MINK1: variants seen among roughly 807,000 people sequenced by gnomAD.
MINK1 encodes misshapen-like kinase 1.
Under a neutral mutation model 178.4 loss-of-function variants are expected in MINK1, and 46 were observed. The ratio of observed to expected loss-of-function variants is 0.26; its 90% CI spans 0.20 to 0.33. The LOEUF (loss-of-function observed/expected upper bound fraction) is 0.33, where lower values mean the gene tolerates loss of function less well. MINK1 is among the 10% of genes least tolerant of loss of function. The probability of loss-of-function intolerance (pLI) is 1.00; values close to 1 mark genes in which losing one functional copy is unlikely to be tolerated. For missense variants in MINK1, 1,366 were observed against 1,814.9 expected, an observed-to-expected ratio of 0.75 and a Z score of 4.49; for synonymous variants, 797 against 709.7, an observed-to-expected ratio of 1.12 and a Z score of -1.96.
chr17:4,844,595 G>T, intron 1 of MINK1: 1 of 510,498 alleles, frequency 2.0e-6, no homozygotes. Context: ...AACAGGTGGT[G>T]GGTTGGCACT....
rs1909263760 is a variant in MINK1, at chr17:4,836,061, C to A, written c.57+2421C>A. Among the ~76,000 whole-genome samples, 1 of 152,182 alleles carries A rather than the reference C, an allele frequency of 6.6e-6. No individual in the cohort carries two copies. Among genetic ancestry groups the A allele is most frequent in the Non-Finnish European group, 1.5e-5 (1 of 68,034 alleles). On this transcript the variant is annotated intron_variant, in intron 1 of 31. Coordinates refer to ENST00000355280, the MANE Select transcript of MINK1 (RefSeq NM_153827.5). This position sits in a 1 kb window ranked among gnomAD's most constrained non-coding sequence, Gnocchi z 4.3. ...CTGCAGACCTTTTCTCAGTGCCTGT[C>A]CCCCTGACTCCACCTCAGAGAGCTG... is the stretch of plus-strand genomic sequence containing the variant.
rs752842873 is a variant in MINK1 at position 4,897,223 on chromosome 17, G to A, written c.3935G>A (p.Arg1312His). ...RNDKVFFASV[R>H]SGGSSQVYFM... Reference sequence around the variant, plus strand: ...ACCCAGGTGTTTTTTGCCTCAGTCCGCTCTGGGGGCAGCAGCCAAGTTTAC... The same window carrying A: ...ACCCAGGTGTTTTTTGCCTCAGTCCACTCTGGGGGCAGCAGCCAAGTTTAC... Residue 1312 changes from arginine to histidine, a missense_variant, in exon 32 of 32, where the codon CGC becomes CAC. Around this residue, in one of 14 missense-constraint regions of MINK1, gnomAD observed 201 missense variants for 240.7 expected, o/e 0.84. Transcript: ENST00000355280. 1.1e-5 allele frequency: 17 copies of A among 1,613,554 alleles called. No individual in the cohort carries two copies. Among genetic ancestry groups the A allele is most frequent in the South Asian group, 4.4e-5 (4 of 91,042 alleles).
At chr17:4,850,920 C>T (rs1911844388) in intron 1 of MINK1, 1 of 420,564 alleles carries the variant, frequency 2.4e-6, no homozygotes, top group South Asian at 1.7e-5. Context: ...TTTCTGCCCC[C>T]TCCCACTGCC....
intron 1 of MINK1, among the ~76,000 whole-genome samples, chr17:4,851,530 T>C (rs1415397156): frequency 6.6e-6 from 1 of 152,166 alleles, no homozygotes; most frequent in Non-Finnish European, 1.5e-5. Context: ...TTGGCCCTTC[T>C]CACCCAGCCC....
Position 4,892,420 on chromosome 17 carries a change from C to T in MINK1, c.2106C>T (p.Ala702=), listed in dbSNP as rs748484595. ...AVRARPRSNS[A]WQIYLQRRAE... Reference sequence around the variant, plus strand: ...TTCACAGACCTCGCAGCAACTCCGCCTGGCAAATCTATCTGCAAAGGCGGG... The same window carrying T: ...TTCACAGACCTCGCAGCAACTCCGCTTGGCAAATCTATCTGCAAAGGCGGG... Residue 702 remains alanine (A), a synonymous_variant, in exon 18 of 32, where the codon GCC becomes GCT. Transcript: ENST00000355280. 5 of 1,560,932 alleles carry T rather than the reference C, an allele frequency of 3.2e-6. No individual in the cohort carries two copies. The South Asian group carries it at 5.9e-5, about 18-fold the overall frequency.
chr17:4,891,407 G>A, intron 15 of MINK1, 49 bp from the exon 16 acceptor site: 1 of 1,513,740 alleles, frequency 6.6e-7, no homozygotes, highest in Non-Finnish European at 8.8e-7. Context: ...TCGCAGGTGG[G>A]GATGTGCCAT....
intron 1 of MINK1, among the ~76,000 whole-genome samples, chr17:4,849,540 GCTAACTCTTGC>G (rs371554359): frequency 0.014 from 2,134 of 152,174 alleles, 24 homozygotes; most frequent in Middle Eastern, 0.024. Flanking sequence ...TCCTCCCTTG[GCTAACTCTTGC>G]CTGTCCCTGT....
intron 1 of MINK1, chr17:4,847,025 A>G (rs115614029): frequency 2.7e-4 from 99 of 371,348 alleles, no homozygotes; most frequent in African/African-American, 1.8e-3. Flanking sequence ...TTCACAAGTT[A>G]ACAATGAACA....
chr17:4,864,570 C>G (rs1263486101), intron 1 of MINK1, among the ~76,000 whole-genome samples: 1 of 144,932 alleles, frequency 6.9e-6, no homozygotes, highest in Non-Finnish European at 1.5e-5. Context: ...ACTAAAAATA[C>G]AAAAATTAGC....
At chr17:4,859,479 T>C (rs1913767502) in intron 1 of MINK1, among the ~76,000 whole-genome samples, 1 of 152,152 alleles carries the variant, frequency 6.6e-6, no homozygotes, top group African/African-American at 2.4e-5. Flanking sequence ...CCAGGGGCAC[T>C]TATAAACCAG....
chr17:4,850,781 T>C (rs1287658047), intron 1 of MINK1, among the ~76,000 whole-genome samples: 4 of 152,326 alleles, frequency 2.6e-5, no homozygotes, highest in East Asian at 3.9e-4. Context: ...CAATAAGATA[T>C]AATGATCTGT....
intron 1 of MINK1, chr17:4,859,358 T>C: frequency 1.1e-6 from 1 of 940,216 alleles, no homozygotes; most frequent in Non-Finnish European, 1.3e-6. Flanking sequence ...ACCTACCTGC[T>C]TCCCCTGCAG....
rs71367860 is a variant in MINK1, at chr17:4,873,617, C to CTTTTTTTTTTTTTTTTTTTTT, written c.58-4681_58-4680insTTTTTTTTTTTTTTTTTTTTT. On this transcript the variant is annotated intron_variant, in intron 1 of 31. Transcript: ENST00000355280. ...GGTCTTCGCCACTCTTTTTTCTTTT[C>CTTTTTTTTTTTTTTTTTTTTT]TTTTTTTTTTTTTTTTTTTGAGAAG... Among the ~76,000 whole-genome samples the CTTTTTTTTTTTTTTTTTTTTT allele has an allele frequency of 3.7e-5, 4 of 108,086 alleles. 1 individual carries two copies. Among genetic ancestry groups the CTTTTTTTTTTTTTTTTTTTTT allele is most frequent in the Non-Finnish European group, 3.8e-5 (2 of 52,224 alleles). 70.9% of individuals were successfully genotyped at this position (108,086 alleles called of 152,430 possible). A position where few individuals can be genotyped will look rare whatever the true frequency, so the allele number is the denominator to read the frequency against.
chr17:4,892,295 G>T (rs930722978), intron 17 of MINK1, 61 bp downstream of exon 17: 3 of 1,509,908 alleles, frequency 2.0e-6, no homozygotes, highest in South Asian at 2.4e-5. Flanking sequence ...GAGTAGGGGG[G>T]GCACAGGGAC....
At chr17:4,834,213 C>G (rs1296951573) in intron 1 of MINK1, among the ~76,000 whole-genome samples, 2 of 152,182 alleles carry the variant, frequency 1.3e-5, no homozygotes, top group African/African-American at 4.8e-5. Flanking sequence ...TTTCCCTATC[C>G]CTTCTCTCCT....
intron 1 of MINK1, among the ~76,000 whole-genome samples, chr17:4,835,461 T>C (rs1210874625): frequency 6.6e-6 from 1 of 152,102 alleles, no homozygotes; most frequent in African/African-American, 2.4e-5. Context: ...ACCCCATCCT[T>C]ACTAAAAATA....
rs71367860 is a variant in MINK1, at chr17:4,873,617, C to CTTTTTT, written c.58-4686_58-4681dup. ...GGTCTTCGCCACTCTTTTTTCTTTT[C>CTTTTTT]TTTTTTTTTTTTTTTTTTTGAGAAG... On this transcript the variant is annotated intron_variant, in intron 1 of 31. Coordinates refer to ENST00000355280, the MANE Select transcript of MINK1 (RefSeq NM_153827.5). Among the ~76,000 whole-genome samples the CTTTTTT allele has an allele frequency of 1.4e-4, 15 of 108,066 alleles. 4 individuals are homozygous for CTTTTTT. Among genetic ancestry groups the CTTTTTT allele is most frequent in the East Asian group, 2.4e-4 (1 of 4,210 alleles). 70.9% of individuals were successfully genotyped at this position (108,066 alleles called of 152,430 possible). A position where few individuals can be genotyped will look rare whatever the true frequency, so the allele number is the denominator to read the frequency against.
intron 1 of MINK1, among the ~76,000 whole-genome samples, chr17:4,877,283 C>T (rs1316829038): frequency 6.6e-6 from 1 of 152,168 alleles, no homozygotes; most frequent in African/African-American, 2.4e-5. Flanking sequence ...TGCTCTTGGC[C>T]CAGGGGGAGG....
In MINK1 at chr17:4,894,015, C is replaced by T. The variant is rs1478587826; in HGVS notation, c.2592C>T (p.Ser864=). 11 of 1,590,700 alleles carry T rather than the reference C, an allele frequency of 6.9e-6. No individual in the cohort carries two copies. The highest frequency in any genetic ancestry group is 4.5e-5 in the East Asian group (2 of 44,396). ...GRSDGDTDSV[S]TMVVHDVEEI... is the part of the protein sequence containing the mutation. ...GCGATGGGGATACAGACAGCGTCAG[C>T]ACCATGGTGGTCCACGACGTCGAGG... is the stretch of plus-strand genomic sequence containing the variant. The change falls in exon 22 of 32, where the codon AGC becomes AGT. Residue 864 remains serine, a synonymous_variant. Transcript: ENST00000355280. This position sits in a 1 kb window ranked among gnomAD's most constrained non-coding sequence, Gnocchi z 4.1.
Sources: allele counts gnomAD v4.1 joint callset (sites outside exome capture counted in the v4.1 genomes callset), GRCh38; gene constraint gnomAD v4.1.1; regional missense constraint gnomAD v4.1.1; non-coding constraint Gnocchi (gnomAD v3.1); transcripts MANE v1.5; gene names NCBI Gene and HGNC (gene_info 2026-07-23, HGNC 2026-07-21).